Variants in GMPS observed in about 807,000 individuals in gnomAD.
GMPS encodes GMP synthase [glutamine-hydrolyzing].
A neutral mutation model predicts 77.9 loss-of-function variants in GMPS; 15 were observed. That is an observed-to-expected ratio of 0.19 (90% CI 0.13 to 0.30). GMPS has a LOEUF of 0.30. GMPS is among the 10% of genes least tolerant of loss of function. The pLI is 1.00. For missense variants in GMPS, 590 were observed against 838.8 expected (o/e 0.70, Z 3.66); for synonymous variants, 224 against 275.9 (o/e 0.81, Z 1.86).
intron 3 of GMPS, among the ~76,000 whole-genome samples, chr3:155,900,465 T>G (rs980741146): frequency 2.0e-5 from 3 of 150,700 alleles, no homozygotes; most frequent in African/African-American, 7.5e-5. Flanking sequence ...GCACAACTTA[T>G]AGTTATATTA....
Position 155,939,759 on chromosome 3 carries a change from G to T in GMPS, c.*2067G>T, listed in dbSNP as rs932988053. ...GTTTCTTAAAAATCCAAATTTTCTG[G>T]AACTCAGAAATTTCCTAATATTTAG... is the stretch of plus-strand genomic sequence containing the variant. On this transcript the variant is annotated 3_prime_UTR_variant, in exon 16 of 16. Coordinates refer to ENST00000496455, the MANE Select transcript of GMPS (RefSeq NM_003875.3). The T allele has an allele frequency of 5.1e-6, 1 of 194,980 alleles. No individual in the cohort carries two copies. Among genetic ancestry groups the T allele is most frequent in the African/African-American group, 2.3e-5 (1 of 43,124 alleles). The allele number at this position is 194,980 out of a possible 1,614,324, so 12.1% of individuals were successfully genotyped here.
At chr3:155,934,821 A>G (rs1755718608) in intron 13 of GMPS, 95 bp from the exon 14 acceptor site, 4 of 788,650 alleles carry the variant, frequency 5.1e-6, no homozygotes, top group Non-Finnish European at 2.1e-6. Context: ...AATGGAAAGA[A>G]TGTTACTGTT....
At position 155,941,136 on chromosome 3, in the gene GMPS, G is replaced by T. The variant is rs1351573995; in HGVS notation, c.*3444G>T. 1 of 181,024 alleles carries T rather than the reference G, an allele frequency of 5.5e-6. No homozygotes were observed. The highest frequency in any genetic ancestry group is 1.2e-5 in the Non-Finnish European group (1 of 84,862). 11.2% of individuals were successfully genotyped at this position (181,024 alleles called of 1,614,324 possible). On this transcript the variant is annotated 3_prime_UTR_variant, in exon 16 of 16. Coordinates refer to ENST00000496455, the MANE Select transcript of GMPS (RefSeq NM_003875.3). Reference sequence around the variant, plus strand: ...AAGGAAGTTCTTGGCCGGGCGCGGTGGCTCATGCCTGTAATCCCAGCACTT... The same window carrying T: ...AAGGAAGTTCTTGGCCGGGCGCGGTTGCTCATGCCTGTAATCCCAGCACTT...
intron 1 of GMPS, among the ~76,000 whole-genome samples, 189 bp downstream of exon 1, chr3:155,871,086 T>C (rs1247101798): frequency 6.6e-6 from 1 of 152,042 alleles, no homozygotes; most frequent in Non-Finnish European, 1.5e-5. Context: ...GGAGCGGCGA[T>C]GCTTTGTTGA....
chr3:155,937,030 A>G (rs1755781693), intron 15 of GMPS, among the ~76,000 whole-genome samples: 1 of 152,232 alleles, frequency 6.6e-6, no homozygotes, highest in Admixed American at 6.5e-5. Flanking sequence ...GTGCACTAAC[A>G]CGAAGCTGTC....
In GMPS at chr3:155,939,348, T is replaced by C. The variant is rs1311723096; in HGVS notation, c.*1656T>C. On this transcript the variant is annotated 3_prime_UTR_variant, in exon 16 of 16. Transcript: ENST00000496455. Reference sequence around the variant, plus strand: ...ACATGTGTCAGTACACGTTTATGTTTATATGAAAAAAAATTTCTAGCCACA... The same window carrying C: ...ACATGTGTCAGTACACGTTTATGTTCATATGAAAAAAAATTTCTAGCCACA... 23 of 210,218 alleles carry C rather than the reference T, an allele frequency of 1.1e-4. No individual in the cohort carries two copies. The East Asian group carries it at 1.5e-3, about 14-fold the overall frequency. 13.0% of individuals were successfully genotyped at this position (210,218 alleles called of 1,614,324 possible). A position where few individuals can be genotyped will look rare whatever the true frequency, so the allele number is the denominator to read the frequency against.
chr3:155,890,291 TTAAA>T (rs1754434349), intron 1 of GMPS, among the ~76,000 whole-genome samples: 1 of 152,100 alleles, frequency 6.6e-6, no homozygotes, highest in South Asian at 2.1e-4. Flanking sequence ...ATTAGTTTAC[TTAAA>T]TAAATACAGG....
intron 13 of GMPS, among the ~76,000 whole-genome samples, chr3:155,933,862 T>G (rs1755694358): frequency 6.6e-6 from 1 of 152,226 alleles, no homozygotes; most frequent in Non-Finnish European, 1.5e-5. Flanking sequence ...CTTCAAGTTG[T>G]TAAAATTGTC....
chr3:155,897,209 A>G (rs192955899), intron 2 of GMPS, among the ~76,000 whole-genome samples: 2 of 152,246 alleles, frequency 1.3e-5, no homozygotes, highest in East Asian at 3.9e-4. Flanking sequence ...ACTCATGGCC[A>G]GTGTAGATGT....
chr3:155,941,402 C>CA lies in GMPS; in HGVS notation c.*3726dup, dbSNP rs375351109. 0.7 allele frequency: 109,992 copies of CA among 157,290 alleles called. 37,172 individuals carry two copies. The highest frequency in any genetic ancestry group is 0.78 in the Admixed American group (10,855 of 13,904). The allele number at this position is 157,290 out of a possible 1,614,324, so 9.7% of individuals were successfully genotyped here. A position where few individuals can be genotyped will look rare whatever the true frequency, so the allele number is the denominator to read the frequency against. On this transcript the variant is annotated 3_prime_UTR_variant, in exon 16 of 16. Coordinates refer to ENST00000496455, the MANE Select transcript of GMPS (RefSeq NM_003875.3). The stretch of plus-strand genomic sequence containing the variant: ...CTGGTGAAAGAGCGAGACTCAGTCT[C>CA]AAAAAAAAAAAAAAAAGGAAGTTCT...
At chr3:155,936,584 C>A in intron 15 of GMPS, 74 bp downstream of exon 15, 1 of 835,312 alleles carries the variant, frequency 1.2e-6, no homozygotes, top group South Asian at 1.6e-5. Context: ...ATGGAATAGG[C>A]TATGCCAGTG....
At chr3:155,920,045 C>T (rs1577527442) in intron 10 of GMPS, among the ~76,000 whole-genome samples, 2 of 152,142 alleles carry the variant, frequency 1.3e-5, no homozygotes, top group African/African-American at 4.8e-5. Context: ...TTCTTAAGTA[C>T]TTTCTATGTG....
chr3:155,932,839 T>G (rs1009464787), intron 13 of GMPS, among the ~76,000 whole-genome samples: 1 of 152,198 alleles, frequency 6.6e-6, no homozygotes, highest in Admixed American at 6.5e-5. Flanking sequence ...TCAAATGAAC[T>G]GAAAACCGTC....
At chr3:155,891,566 C>T (rs1268359224) in intron 1 of GMPS, among the ~76,000 whole-genome samples, 1 of 151,302 alleles carries the variant, frequency 6.6e-6, no homozygotes, top group Non-Finnish European at 1.5e-5. Flanking sequence ...GGCTCCCTCT[C>T]ACAAATCCTC....
intron 1 of GMPS, among the ~76,000 whole-genome samples, chr3:155,881,287 T>A (rs1560035824): frequency 6.6e-6 from 1 of 151,076 alleles, no homozygotes. Context: ...ATTCTCCTGC[T>A]TCAGCCTCCC....
At chr3:155,884,819 C>G (rs1754298515) in intron 1 of GMPS, among the ~76,000 whole-genome samples, 1 of 152,124 alleles carries the variant, frequency 6.6e-6, no homozygotes, top group South Asian at 2.1e-4. Context: ...TAGGTGGGTG[C>G]TAGAACTGGT....
chr3:155,898,882 G>C (rs1419396663), intron 3 of GMPS, among the ~76,000 whole-genome samples: 3 of 152,108 alleles, frequency 2.0e-5, no homozygotes, highest in African/African-American at 4.8e-5. Flanking sequence ...GGTATCTGTC[G>C]GGTGTCTCCA....
In GMPS at chr3:155,899,323, A is replaced by G. The variant is rs561798402; in HGVS notation, c.324+1282A>G. ...GCGGAGGTTGCGGTGAGTGGAGATC[A>G]TGCCGTTGCACTCCAGCCTCAGTGA... is the stretch of plus-strand genomic sequence containing the variant. On this transcript the variant is annotated intron_variant, in intron 3 of 15. Coordinates refer to ENST00000496455, the MANE Select transcript of GMPS (RefSeq NM_003875.3). Among the ~76,000 whole-genome samples, 12 of 152,072 alleles carry G rather than the reference A, an allele frequency of 7.9e-5. No individual in the cohort carries two copies. The South Asian group carries it at 2.5e-3, about 32-fold the overall frequency.
intron 1 of GMPS, among the ~76,000 whole-genome samples, chr3:155,889,729 C>T (rs549505784): frequency 6.6e-6 from 1 of 152,240 alleles, no homozygotes; most frequent in Non-Finnish European, 1.5e-5. Context: ...TCTTCTTACC[C>T]TATTCTTAAA....
Sources: allele counts gnomAD v4.1 joint callset (sites outside exome capture counted in the v4.1 genomes callset), GRCh38; gene constraint gnomAD v4.1.1; transcripts MANE v1.5; gene names NCBI Gene and HGNC (gene_info 2026-07-23, HGNC 2026-07-21).